RBPMS2: variants seen among roughly 807,000 people sequenced by gnomAD.
RBPMS2 encodes the protein RNA-binding protein with multiple splicing 2.
A neutral mutation model predicts 25.7 loss-of-function variants in RBPMS2; 14 were observed. The observed-to-expected ratio is 0.55, with a 90% CI of 0.36 to 0.85. The LOEUF is 0.85. RBPMS2 is among the 40% of genes least tolerant of loss of function. The pLI is 0.01. For missense variants in RBPMS2, 252 were observed against 283.4 expected (o/e 0.89, Z 0.80); for synonymous variants, 127 against 115.6 (o/e 1.10, Z -0.63).
At chr15:64,757,262 C>T (rs2083741400) in intron 1 of RBPMS2, among the ~76,000 whole-genome samples, 1 of 152,064 alleles carries the variant, frequency 6.6e-6, no homozygotes, top group Admixed American at 6.6e-5. Context: ...TATGAGCCAC[C>T]ATGCCTGGCC....
At chr15:64,769,682 A>G (rs2083878736) in intron 1 of RBPMS2, among the ~76,000 whole-genome samples, 2 of 152,090 alleles carry the variant, frequency 1.3e-5, no homozygotes, top group South Asian at 4.1e-4. Flanking sequence ...ATAAATAAAA[A>G]TAAAATAAAA....
intron 6 of RBPMS2, among the ~76,000 whole-genome samples, chr15:64,741,898 G>A (rs2083565700): frequency 6.6e-6 from 1 of 152,172 alleles, no homozygotes; most frequent in South Asian, 2.1e-4. Flanking sequence ...GGGCGCAGCG[G>A]CTCACGCCTG....
chr15:64,746,801 C>T (rs2083621258), intron 6 of RBPMS2, among the ~76,000 whole-genome samples: 1 of 152,224 alleles, frequency 6.6e-6, no homozygotes. Flanking sequence ...CTATCCCTCT[C>T]ATTTTACAGA....
intron 1 of RBPMS2, among the ~76,000 whole-genome samples, chr15:64,757,219 G>A (rs942598803): frequency 6.6e-6 from 1 of 150,962 alleles, no homozygotes; most frequent in Admixed American, 6.6e-5. Context: ...GAATCCTTCT[G>A]CCCTGGCCTC....
At chr15:64,762,561 T>G (rs910712020) in intron 1 of RBPMS2, 1 of 530,830 alleles carries the variant, frequency 1.9e-6, no homozygotes. Flanking sequence ...GACACTGCAC[T>G]CAGGGTCCAG....
At chr15:64,753,980 T>C (rs1040078803) in intron 1 of RBPMS2, among the ~76,000 whole-genome samples, 1 of 152,086 alleles carries the variant, frequency 6.6e-6, no homozygotes, top group African/African-American at 2.4e-5. Flanking sequence ...CAAGGTCACA[T>C]GGCTTGTTCT....
chr15:64,749,202 G>A, intron 4 of RBPMS2, 52 bp from the exon 5 acceptor site: 1 of 1,589,688 alleles, frequency 6.3e-7, no homozygotes, highest in Non-Finnish European at 8.6e-7. Flanking sequence ...GACCCAGAGT[G>A]TTAATGGCAG....
intron 2 of RBPMS2, among the ~76,000 whole-genome samples, chr15:64,751,326 C>T (rs939808315): frequency 2.2e-4 from 24 of 110,854 alleles, no homozygotes; most frequent in African/African-American, 6.0e-4. Flanking sequence ...GAGCAAGACT[C>T]GTCTCGAGGA....
intron 1 of RBPMS2, among the ~76,000 whole-genome samples, chr15:64,756,929 A>G (rs2083736832): frequency 6.7e-6 from 1 of 149,256 alleles, no homozygotes; most frequent in Non-Finnish European, 1.5e-5. Context: ...TGGCCTCCCA[A>G]AGTACTGGCA....
chr15:64,755,125 C>T (rs538449965), intron 1 of RBPMS2, among the ~76,000 whole-genome samples: 28 of 152,212 alleles, frequency 1.8e-4, no homozygotes, highest in African/African-American at 5.3e-4. Context: ...ACAGAGTTTC[C>T]GCTTGGGGTA....
rs188693178 is a variant in RBPMS2, at chr15:64,751,863, C to T, written c.88-225G>A. Reference sequence around the variant, plus strand: ...ACATCCCAGAGGCATCGTGCTGCGTCTGCCGGATGCCTCTGCACACAGACT... The same window carrying T: ...ACATCCCAGAGGCATCGTGCTGCGTTTGCCGGATGCCTCTGCACACAGACT... On this transcript the variant is annotated intron_variant, in intron 1 of 7. Coordinates refer to ENST00000300069, the MANE Select transcript of RBPMS2 (RefSeq NM_194272.3). Among the ~76,000 whole-genome samples the T allele has an allele frequency of 4.0e-4, 61 of 152,268 alleles. No individual in the cohort carries two copies. In the East Asian group the frequency reaches 0.01, roughly 26 times the overall value.
intron 1 of RBPMS2, among the ~76,000 whole-genome samples, chr15:64,771,636 A>T (rs2083893927): frequency 6.6e-6 from 1 of 151,106 alleles, no homozygotes; most frequent in Admixed American, 6.6e-5. Flanking sequence ...GCGCCACTGC[A>T]CCCCAATCTG....
At chr15:64,750,314 G>C in intron 3 of RBPMS2, 29 bp downstream of exon 3, 7 of 1,605,732 alleles carry the variant, frequency 4.4e-6, no homozygotes, top group Non-Finnish European at 6.0e-6. Context: ...TCTGGGCTGG[G>C]AGGAAGAAAA....
At chr15:64,762,757 A>AT (rs1053969183) in intron 1 of RBPMS2, among the ~76,000 whole-genome samples, 1 of 152,130 alleles carries the variant, frequency 6.6e-6, no homozygotes, top group African/African-American at 2.4e-5. Context: ...CTGACACTCT[A>AT]TGACACCAGG....
chr15:64,747,453 CGCAGCA>C (rs1304296609), intron 6 of RBPMS2, among the ~76,000 whole-genome samples: 1 of 152,104 alleles, frequency 6.6e-6, no homozygotes, highest in Admixed American at 6.5e-5. Flanking sequence ...TTCTCTCCTT[CGCAGCA>C]GCACAGCACA....
At chr15:64,773,648 AC>A (rs888921284) in intron 1 of RBPMS2, among the ~76,000 whole-genome samples, 3 of 152,208 alleles carry the variant, frequency 2.0e-5, no homozygotes, top group African/African-American at 4.8e-5. Context: ...TTTGCCCAGT[AC>A]CAGCCTCTTG....
At chr15:64,754,954 A>T (rs1203125090) in intron 1 of RBPMS2, among the ~76,000 whole-genome samples, 1 of 152,138 alleles carries the variant, frequency 6.6e-6, no homozygotes, top group Non-Finnish European at 1.5e-5. Flanking sequence ...GCAGGACATG[A>T]TTTGGGTCAA....
intron 6 of RBPMS2, among the ~76,000 whole-genome samples, chr15:64,742,660 C>T (rs2083573475): frequency 6.6e-6 from 1 of 152,200 alleles, no homozygotes; most frequent in African/African-American, 2.4e-5. Context: ...AACACAGGAC[C>T]TTGAGTTGCG....
chr15:64,754,174 T>A (rs1417402285), intron 1 of RBPMS2, among the ~76,000 whole-genome samples: 1 of 151,358 alleles, frequency 6.6e-6, no homozygotes, highest in Non-Finnish European at 1.5e-5. Context: ...TAGCCAGGTG[T>A]GGTGGCCCAT....
Sources: gnomAD v4.1 joint callset for allele counts (sites outside exome capture counted in the v4.1 genomes callset) on GRCh38, gnomAD v4.1.1 for gene constraint, MANE v1.5 for transcripts, NCBI Gene and HGNC (gene_info 2026-07-23, HGNC 2026-07-21) for gene names.